MICU1: variants seen among roughly 807,000 people sequenced by gnomAD.
The protein encoded by MICU1 is mitochondrial calcium uptake 1.
MICU1 carries 45 observed loss-of-function variants against 56.8 expected under a neutral mutation model. That is an observed-to-expected ratio of 0.79 (90% confidence interval 0.62 to 1.02). The LOEUF is 1.02. MICU1 is among the 50% of genes least tolerant of loss of function. The pLI, the probability that MICU1 is intolerant of heterozygous loss-of-function variation, is 0.00. For missense variants in MICU1, 504 were observed against 587.1 expected, an observed-to-expected ratio of 0.86 and a Z score of 1.46; for synonymous variants, 186 against 195.1, an observed-to-expected ratio of 0.95 and a Z score of 0.39.
At chr10:72,613,458 G>A (rs1452328837) in intron 1 of MICU1, among the ~76,000 whole-genome samples, 3 of 150,688 alleles carry the variant, frequency 2.0e-5, no homozygotes, top group Non-Finnish European at 4.4e-5. Context: ...TTTATTTTTT[G>A]TAGAGCCCAG....
At chr10:72,373,636 A>G (rs2132033763) in intron 11 of MICU1, among the ~76,000 whole-genome samples, 1 of 152,312 alleles carries the variant, frequency 6.6e-6, no homozygotes, top group Non-Finnish European at 1.5e-5. Context: ...TCTTTCTAAA[A>G]AGCTAGAAAA....
intron 8 of MICU1, among the ~76,000 whole-genome samples, chr10:72,472,602 G>GA (rs1163403454): frequency 3.3e-5 from 5 of 149,886 alleles, no homozygotes; most frequent in South Asian, 2.1e-4. Flanking sequence ...ATTTAGTTAA[G>GA]AAAAAAAAAG....
At chr10:72,576,225 C>CAAAAAAAAAAAA (rs34829939) in intron 1 of MICU1, among the ~76,000 whole-genome samples, 14 of 68,174 alleles carry the variant, frequency 2.1e-4, no homozygotes, top group East Asian at 5.0e-4. Context: ...AAAAAAACAC[C>CAAAAAAAAAAAA]AAAAAAAAAA....
In MICU1 at chr10:72,586,001, C is replaced by CT. The variant is rs1431354386; in HGVS notation, c.-1-19208dup. Among the ~76,000 whole-genome samples, 112 of 101,970 alleles carry CT rather than the reference C, an allele frequency of 1.1e-3. 1 individual carries two copies. Among genetic ancestry groups the CT allele is most frequent in the South Asian group, 8.2e-3 (25 of 3,040 alleles). 66.9% of individuals were successfully genotyped at this position (101,970 alleles called of 152,430 possible). A position where few individuals can be genotyped will look rare whatever the true frequency, so the allele number is the denominator to read the frequency against. On this transcript the variant is annotated intron_variant, in intron 1 of 11. Transcript: ENST00000361114. The stretch of plus-strand genomic sequence containing the variant: ...TTTCATTGTATTGTTTTTATTTTTT[C>CT]TTTTTTTTTTTCTTTTTTTTTTTTT...
chr10:72,467,129 G>C lies in MICU1; in HGVS notation c.933+7971C>G, dbSNP rs202164725. Reference sequence around the variant, plus strand: ...TTCTTGTGCCTCAGCCTCCCGAGTAGCTGGGATTACAGGAGTATGCCACCA... The same window carrying C: ...TTCTTGTGCCTCAGCCTCCCGAGTACCTGGGATTACAGGAGTATGCCACCA... On this transcript the variant is annotated intron_variant, in intron 8 of 11. Transcript: ENST00000361114. Among the ~76,000 whole-genome samples, 48 of 152,200 alleles carry C rather than the reference G, an allele frequency of 3.2e-4. No individual in the cohort carries two copies. The East Asian group carries it at 8.7e-3, about 28-fold the overall frequency.
At chr10:72,382,078 T>C (rs1253074740) in intron 10 of MICU1, among the ~76,000 whole-genome samples, 2 of 151,058 alleles carry the variant, frequency 1.3e-5, no homozygotes, top group Admixed American at 1.3e-4. Context: ...AATAATGGAA[T>C]AGTGTGTATT....
At chr10:72,531,352 G>A (rs1161786183) in intron 5 of MICU1, 3 of 152,076 alleles carry the variant, frequency 2.0e-5, no homozygotes, top group Admixed American at 1.3e-4. Flanking sequence ...ACAGAAAATT[G>A]TCTTAGAATT....
intron 3 of MICU1, among the ~76,000 whole-genome samples, chr10:72,562,013 A>G (rs7081052): frequency 2.3e-4 from 35 of 152,132 alleles, no homozygotes; most frequent in African/African-American, 8.2e-4. Context: ...TGTCTAAGAA[A>G]TCCATCCTTT....
chr10:72,450,179 C>T (rs1468110050), intron 8 of MICU1, among the ~76,000 whole-genome samples: 2 of 151,652 alleles, frequency 1.3e-5, no homozygotes, highest in Non-Finnish European at 2.9e-5. Context: ...GTACAGAGTC[C>T]TTTGGAAATG....
chr10:72,481,289 C>G (rs1205131609), intron 6 of MICU1, among the ~76,000 whole-genome samples: 1 of 152,162 alleles, frequency 6.6e-6, no homozygotes, highest in Non-Finnish European at 1.5e-5. Flanking sequence ...TCAAATGTAG[C>G]CTTCAGGGCA....
chr10:72,561,704 G>C (rs1055256679), intron 3 of MICU1, among the ~76,000 whole-genome samples: 1 of 152,110 alleles, frequency 6.6e-6, no homozygotes, highest in Non-Finnish European at 1.5e-5. Context: ...CCCAGCTATT[G>C]GGAAGCTGAG....
intron 8 of MICU1, among the ~76,000 whole-genome samples, chr10:72,446,585 T>C (rs570178439): frequency 5.9e-5 from 9 of 152,290 alleles, no homozygotes; most frequent in African/African-American, 2.2e-4. Flanking sequence ...CGCCTCAGCC[T>C]CCCAAAGTGG....
chr10:72,549,066 T>C (rs2132439314), intron 4 of MICU1, among the ~76,000 whole-genome samples: 1 of 152,322 alleles, frequency 6.6e-6, no homozygotes, highest in East Asian at 1.9e-4. Context: ...TAGTTTTTAT[T>C]TGACCTAGAG....
At chr10:72,516,878 A>G (rs1433159310) in intron 5 of MICU1, among the ~76,000 whole-genome samples, 1 of 152,164 alleles carries the variant, frequency 6.6e-6, no homozygotes, top group African/African-American at 2.4e-5. Context: ...GGGGTGGTAA[A>G]GAAGTAGAGA....
chr10:72,615,784 A>T (rs545506369), intron 1 of MICU1, among the ~76,000 whole-genome samples: 11 of 152,000 alleles, frequency 7.2e-5, no homozygotes, highest in Non-Finnish European at 1.3e-4. Flanking sequence ...AGGTCAGGAG[A>T]TCGAGACCAT....
At chr10:72,513,291 A>G (rs1399473408) in intron 5 of MICU1, among the ~76,000 whole-genome samples, 1 of 152,122 alleles carries the variant, frequency 6.6e-6, no homozygotes, top group Non-Finnish European at 1.5e-5. Context: ...TTTGATTTAC[A>G]TTCCCCTAAT....
At position 72,411,062 on chromosome 10, in the gene MICU1, C is replaced by G. The variant is rs1008723034; in HGVS notation, c.1072-3025G>C. Among the ~76,000 whole-genome samples, 27 of 152,294 alleles carry G rather than the reference C, an allele frequency of 1.8e-4. No individual in the cohort carries two copies. In the East Asian group the frequency reaches 5.2e-3, roughly 29 times the overall value. On this transcript the variant is annotated intron_variant, in intron 9 of 11. Coordinates refer to ENST00000361114, the MANE Select transcript of MICU1 (RefSeq NM_001195518.2). ...AGGAAGAAGATTCTGACACAAGCTA[C>G]AGGATGATGGCCCTCGAAGACATTA...
intron 1 of MICU1, among the ~76,000 whole-genome samples, chr10:72,609,681 C>T (rs1785357049): frequency 6.6e-6 from 1 of 150,884 alleles, no homozygotes; most frequent in Non-Finnish European, 1.5e-5. Context: ...TTGTAGTGAG[C>T]CGAGATCGCG....
intron 10 of MICU1, among the ~76,000 whole-genome samples, chr10:72,383,104 G>C (rs1377689127): frequency 6.6e-6 from 1 of 151,918 alleles, no homozygotes; most frequent in African/African-American, 2.4e-5. Flanking sequence ...ACATTAGTTG[G>C]GCACGATGGT....
Sources: gnomAD v4.1 joint callset for allele counts (sites outside exome capture counted in the v4.1 genomes callset) on GRCh38, gnomAD v4.1.1 for gene constraint, MANE v1.5 for transcripts, NCBI Gene and HGNC (gene_info 2026-07-23, HGNC 2026-07-21) for gene names.